Variants in ARHGAP29 observed in about 807,000 individuals in gnomAD.
ARHGAP29 encodes rho GTPase-activating protein 29.
A neutral mutation model predicts 122.6 loss-of-function variants in ARHGAP29; 43 were observed. The observed-to-expected ratio is 0.35, with a 90% CI of 0.27 to 0.45. The LOEUF (loss-of-function observed/expected upper bound fraction) is 0.45. ARHGAP29 is among the 20% of genes least tolerant of loss of function. The pLI, the probability that ARHGAP29 is intolerant of heterozygous loss-of-function variation, is 1.00. For missense variants in ARHGAP29, 1,303 were observed against 1,477.2 expected (o/e 0.88, Z 1.93); for synonymous variants, 506 against 497.1 (o/e 1.02, Z -0.24).
chr1:94,308,007 C>T, the ARHGAP29 span, among the ~76,000 whole-genome samples: 2,560 of 152,256 alleles, frequency 0.017, 70 homozygotes, highest in African/African-American at 0.058. Context: ...ATTAACATTA[C>T]TCTCTGTCCC....
At chr1:94,237,780 G>A (rs1557882223), upstream of ARHGAP29, 7 of 985,238 alleles carry the variant, frequency 7.1e-6, no homozygotes, top group Non-Finnish European at 8.4e-6. Flanking sequence ...AGCATCACGG[G>A]CTGCGTCGGC....
At chr1:94,233,752 G>A (rs1367925377) in intron 1 of ARHGAP29, among the ~76,000 whole-genome samples, 1 of 152,080 alleles carries the variant, frequency 6.6e-6, no homozygotes, top group East Asian at 1.9e-4. Flanking sequence ...AATAATACAT[G>A]TTAAGTGTAT....
intron 1 of ARHGAP29, among the ~76,000 whole-genome samples, chr1:94,253,605 G>A (rs1312708918): frequency 6.6e-6 from 1 of 151,952 alleles, no homozygotes; most frequent in Admixed American, 6.6e-5. Flanking sequence ...TGCTCTTGAA[G>A]TAGGAAGTTG....
Position 94,232,689 on chromosome 1 carries a change from T to C in ARHGAP29, c.-32-1046A>G, listed in dbSNP as rs1285041578. ...TGTTAAAACACCTAATACTGGCACA[T>C]AGCTGGAACTCAAGAAAATCATAGT... On this transcript the variant is annotated intron_variant, in intron 1 of 22. Coordinates refer to ENST00000260526, the MANE Select transcript of ARHGAP29 (RefSeq NM_004815.4). Among the ~76,000 whole-genome samples, 5 of 152,338 alleles carry C rather than the reference T, an allele frequency of 3.3e-5. No individual in the cohort carries two copies. The East Asian group carries it at 5.8e-4, about 18-fold the overall frequency.
chr1:94,227,846 A>T (rs1179642018), intron 2 of ARHGAP29, among the ~76,000 whole-genome samples: 1 of 151,846 alleles, frequency 6.6e-6, no homozygotes, highest in African/African-American at 2.4e-5. Flanking sequence ...ATAATTAAAC[A>T]CAACATGCAT....
rs755688126 is a variant in ARHGAP29, at chr1:94,201,866, A to G, written c.1144-9T>C. ...TCATTTGCTTCTTCTACCTTCACAA[A>G]TATCACAGAAAAAAAAATAACACTA... On this transcript the variant is annotated splice_polypyrimidine_tract_variant and intron_variant, in intron 11 of 22. Coordinates refer to ENST00000260526, the MANE Select transcript of ARHGAP29 (RefSeq NM_004815.4). The G allele has an allele frequency of 3.2e-5, 46 of 1,456,662 alleles. No homozygotes were observed. The highest frequency in any genetic ancestry group is 3.9e-5 in the Non-Finnish European group (43 of 1,107,802). The allele number at this position is 1,456,662 out of a possible 1,614,324, so 90.2% of individuals were successfully genotyped here. A position where few individuals can be genotyped will look rare whatever the true frequency, so the allele number is the denominator to read the frequency against.
chr1:94,189,005 C>G, intron 14 of ARHGAP29, 64 bp from the exon 15 acceptor site: 1 of 1,491,328 alleles, frequency 6.7e-7, no homozygotes. Flanking sequence ...AAAATACTGA[C>G]ATTCTATCAA....
chr1:94,202,727 T>C lies in ARHGAP29; in HGVS notation c.960A>G (p.Glu320=), dbSNP rs1273500912. The part of the protein sequence containing the change: ...LWKQEQNKML[E]AENALKKAKL... ...TTGCCTTTTTGAGAGCATTCTCTGC[T>C]TCAAGCTACACCGAAAAGAGTATTA... Residue 320 remains glutamate (E), a synonymous_variant, in exon 11 of 23, where the codon GAA becomes GAG. Coordinates refer to ENST00000260526, the MANE Select transcript of ARHGAP29 (RefSeq NM_004815.4). The C allele has an allele frequency of 6.2e-7, 1 of 1,613,028 alleles. No individual in the cohort carries two copies. The highest frequency in any genetic ancestry group is 1.3e-5 in the African/African-American group (1 of 74,894).
At chr1:94,211,704 A>G (rs1168603484) in intron 3 of ARHGAP29, among the ~76,000 whole-genome samples, 1 of 152,214 alleles carries the variant, frequency 6.6e-6, no homozygotes, top group Admixed American at 6.5e-5. Flanking sequence ...ATCTCTGGAA[A>G]ATCTCCAAAT....
At chr1:94,207,251 C>T (rs779839850) in intron 5 of ARHGAP29, among the ~76,000 whole-genome samples, 6 of 151,896 alleles carry the variant, frequency 4.0e-5, no homozygotes, top group Non-Finnish European at 7.4e-5. Context: ...TCAGGTGATC[C>T]GCCCACTTCG....
upstream of ARHGAP29, among the ~76,000 whole-genome samples, chr1:94,275,727 A>T (rs184067992): frequency 6.5e-3 from 988 of 151,652 alleles, 4 homozygotes; most frequent in Admixed American, 0.014. Context: ...GGGTTTTTTT[A>T]AAAAAAAGGA....
At chr1:94,260,854 G>A (rs1323181714) in intron 1 of ARHGAP29, among the ~76,000 whole-genome samples, 1 of 152,130 alleles carries the variant, frequency 6.6e-6, no homozygotes, top group East Asian at 1.9e-4. Flanking sequence ...GGGCCCACAG[G>A]ATAACTCAAA....
rs1476540979 is a variant in ARHGAP29, at chr1:94,189,908, C to G, written c.1439+18G>C. On this transcript the variant is annotated intron_variant, in intron 13 of 22. Coordinates refer to ENST00000260526, the MANE Select transcript of ARHGAP29 (RefSeq NM_004815.4). Reference sequence around the variant, plus strand: ...GTTTTATATTTTGAAATAATTTTGTCTGTACATTAATTCTCACCCATCAAC... The same window carrying G: ...GTTTTATATTTTGAAATAATTTTGTGTGTACATTAATTCTCACCCATCAAC... The G allele has an allele frequency of 6.2e-7, 1 of 1,610,090 alleles. No homozygotes were observed. Among genetic ancestry groups the G allele is most frequent in the Admixed American group, 1.7e-5 (1 of 59,706 alleles).
the ARHGAP29 span, among the ~76,000 whole-genome samples, chr1:94,290,661 T>C: frequency 1.3e-5 from 2 of 152,232 alleles, no homozygotes; most frequent in Non-Finnish European, 1.5e-5. Flanking sequence ...ACTTTATTTC[T>C]GCCTTCATTT....
At chr1:94,204,144 C>CTTT in intron 7 of ARHGAP29, 150 bp from the exon 8 acceptor site, 17 of 380,998 alleles carry the variant, frequency 4.5e-5, no homozygotes, top group Middle Eastern at 7.1e-4. Context: ...TTCTTTCTTC[C>CTTT]TTTTTTTTTT....
At chr1:94,189,047 C>A in intron 14 of ARHGAP29, 106 bp from the exon 15 acceptor site, 1 of 1,355,862 alleles carries the variant, frequency 7.4e-7, no homozygotes, top group Non-Finnish European at 1.0e-6. Context: ...TAACAATAAC[C>A]AGTTATCAAC....
At chr1:94,303,264 C>T in the ARHGAP29 span, among the ~76,000 whole-genome samples, 1 of 152,164 alleles carries the variant, frequency 6.6e-6, no homozygotes, top group Non-Finnish European at 1.5e-5. Context: ...TATGATATAA[C>T]ATGGATGAGC....
chr1:94,264,463 C>T (rs926621250), intron 1 of ARHGAP29, among the ~76,000 whole-genome samples: 1 of 152,016 alleles, frequency 6.6e-6, no homozygotes, highest in Non-Finnish European at 1.5e-5. Flanking sequence ...CAGGCTGAAA[C>T]CTAAGACACA....
intron 1 of ARHGAP29, among the ~76,000 whole-genome samples, chr1:94,250,002 AT>A (rs11398069): frequency 2.7e-5 from 4 of 150,586 alleles, no homozygotes; most frequent in East Asian, 1.9e-4. Context: ...TTCCAGTGTG[AT>A]TTTTTTTTTA....
Sources: gnomAD v4.1 joint callset for allele counts (sites outside exome capture counted in the v4.1 genomes callset) on GRCh38, gnomAD v4.1.1 for gene constraint, MANE v1.5 for transcripts, NCBI Gene and HGNC (gene_info 2026-07-23, HGNC 2026-07-21) for gene names.